The following LCOR variants were observed in gnomAD, a reference collection of about 807,000 sequenced individuals.
LCOR encodes the protein ligand-dependent corepressor.
In LCOR, 14 loss-of-function variants were observed where a neutral mutation model predicts 64.4. The observed-to-expected ratio is 0.22, with a 90% confidence interval of 0.14 to 0.34. The LOEUF is 0.34. Among genes scored for constraint, LCOR ranks in the 10% least tolerant of loss-of-function variants. The pLI is 1.00. For missense variants in LCOR, 1,686 were observed against 1,765.3 expected (o/e 0.96, Z 0.80); for synonymous variants, 643 against 642.5 (o/e 1.00, Z -0.01).
rs193147896 is a variant in LCOR at position 96,858,712 on chromosome 10, G to A, written c.-330+25233G>A. On this transcript the variant is annotated intron_variant, in intron 2 of 7. Transcript: ENST00000421806. The stretch of plus-strand genomic sequence containing the variant: ...AACTTTATGAATGTTTGGATACTTA[G>A]GGTTTTTTGTTTTTTTAAAATAACT... Among the ~76,000 whole-genome samples, 5 of 152,194 alleles carry A rather than the reference G, an allele frequency of 3.3e-5. No individual in the cohort carries two copies. In the East Asian group the frequency reaches 7.7e-4, roughly 23 times the overall value.
chr10:96,891,234 G>A (rs934555666), intron 2 of LCOR, among the ~76,000 whole-genome samples: 21 of 151,856 alleles, frequency 1.4e-4, no homozygotes, highest in Admixed American at 1.3e-3. Flanking sequence ...AGTTGAGTCA[G>A]TTTTGGTAGT....
At chr10:96,837,424 T>G (rs1485069057) in intron 2 of LCOR, among the ~76,000 whole-genome samples, 1 of 151,936 alleles carries the variant, frequency 6.6e-6, no homozygotes, top group African/African-American at 2.4e-5. Context: ...CCCAGCTAAT[T>G]TTTTTGTATT....
chr10:96,949,978 A>G (rs1362362810), intron 6 of LCOR, among the ~76,000 whole-genome samples: 3 of 152,174 alleles, frequency 2.0e-5, no homozygotes, highest in Admixed American at 2.0e-4. Flanking sequence ...GAGTCTCTGA[A>G]GTTTATTTTC....
chr10:96,969,092 C>T (rs57625543), intron 7 of LCOR, among the ~76,000 whole-genome samples: 6,624 of 152,254 alleles, frequency 0.044, 220 homozygotes, highest in East Asian at 0.18. Context: ...AAATACTTAG[C>T]ACTGTGGCAG....
intron 7 of LCOR, chr10:96,963,737 C>T (rs920871394): frequency 3.9e-5 from 6 of 152,100 alleles, no homozygotes; most frequent in Non-Finnish European, 7.4e-5. Flanking sequence ...TTAAGACTTG[C>T]CTCTTTAAAA....
At chr10:96,980,202 C>T (rs1319341767) in intron 7 of LCOR, among the ~76,000 whole-genome samples, 1 of 151,882 alleles carries the variant, frequency 6.6e-6, no homozygotes, top group African/African-American at 2.4e-5. Context: ...TACTTCTAAA[C>T]CCAAGATTTG....
intron 7 of LCOR, chr10:96,955,568 T>C: frequency 6.2e-7 from 1 of 1,614,182 alleles, no homozygotes; most frequent in Non-Finnish European, 8.5e-7. Flanking sequence ...GCTCAGATGC[T>C]GAGCAGTCTA....
At chr10:96,850,300 C>T (rs576522964) in intron 2 of LCOR, among the ~76,000 whole-genome samples, 9 of 152,056 alleles carry the variant, frequency 5.9e-5, no homozygotes, top group African/African-American at 1.7e-4. Flanking sequence ...CTGTAATCTT[C>T]GCACTTTGGG....
chr10:96,898,063 C>T (rs1846572378), intron 2 of LCOR, among the ~76,000 whole-genome samples: 2 of 151,962 alleles, frequency 1.3e-5, no homozygotes, highest in African/African-American at 2.4e-5. Context: ...TGAGCACTTA[C>T]TTGAGGATGG....
Position 96,983,170 on chromosome 10 carries a change from G to A in LCOR, c.2710G>A (p.Gly904Arg), listed in dbSNP as rs568325585. 105 of 1,613,952 alleles carry A rather than the reference G, an allele frequency of 6.5e-5. No homozygotes were observed. Among genetic ancestry groups the A allele is most frequent in the South Asian group, 5.1e-4 (46 of 91,084 alleles). The change falls in exon 8 of 8, where the codon GGG becomes AGG. Residue 904 changes from glycine (G) to arginine (R), a missense_variant. Gly to Arg is a moderately radical substitution (Grantham distance 125). Around this residue, in one of 3 missense-constraint regions of LCOR, gnomAD observed 1,293 missense variants for 1,410.4 expected, o/e 0.92. Coordinates refer to ENST00000421806, the MANE Select transcript of LCOR (RefSeq NM_001346516.2). The surrounding 1 kb of genome is among the most constrained non-coding windows in gnomAD (Gnocchi z 4.5). ...AGATGCTGAGCAGGAGGGCGAAGGC[G>A]GGGGGATCATCACCAGGCAGACTTT... ...EKDAEQEGEG[G>R]GIITRQTLKN...
intron 2 of LCOR, among the ~76,000 whole-genome samples, chr10:96,897,968 C>G (rs1846570076): frequency 6.6e-6 from 1 of 151,000 alleles, no homozygotes; most frequent in South Asian, 2.1e-4. Flanking sequence ...AAACAGAGTC[C>G]TTGTAAAATC....
intron 2 of LCOR, among the ~76,000 whole-genome samples, chr10:96,873,571 CGTGTGTGTGTGTGTGTGTGTGTGT>C (rs55893181): frequency 1.6e-5 from 2 of 126,340 alleles, no homozygotes; most frequent in Non-Finnish European, 3.3e-5. Context: ...CACACACACA[CGTGTGTGTGTGTGTGTGTGTGTGT>C]GTGTGTGTGT....
chr10:96,956,550 T>C (rs1847786978), intron 7 of LCOR: 1 of 985,496 alleles, frequency 1.0e-6, no homozygotes, highest in African/African-American at 1.7e-5. Flanking sequence ...TTTATTTAAA[T>C]TAGCAAGCTA....
At chr10:96,857,663 C>T (rs1845827887) in intron 2 of LCOR, among the ~76,000 whole-genome samples, 1 of 152,106 alleles carries the variant, frequency 6.6e-6, no homozygotes, top group Non-Finnish European at 1.5e-5. Context: ...AAAAATACTG[C>T]CTAAAGCATT....
chr10:96,847,431 T>TTTAC (rs569919648), intron 2 of LCOR, among the ~76,000 whole-genome samples: 101 of 149,832 alleles, frequency 6.7e-4, no homozygotes, highest in African/African-American at 2.1e-3. Flanking sequence ...TATTTATTTA[T>TTTAC]TTACTTACTT....
intron 2 of LCOR, among the ~76,000 whole-genome samples, chr10:96,869,430 G>T (rs1010719881): frequency 4.6e-5 from 7 of 152,026 alleles, no homozygotes; most frequent in African/African-American, 1.7e-4. Context: ...AACCAGGCTG[G>T]TCTCAAAATC....
At chr10:96,878,470 A>T (rs1846207665) in intron 2 of LCOR, among the ~76,000 whole-genome samples, 1 of 152,190 alleles carries the variant, frequency 6.6e-6, no homozygotes, top group African/African-American at 2.4e-5. Context: ...AAGAGAGAAA[A>T]GGAGGATTAA....
At chr10:96,936,967 C>G (rs1341815755) in intron 4 of LCOR, among the ~76,000 whole-genome samples, 1 of 152,180 alleles carries the variant, frequency 6.6e-6, no homozygotes, top group Admixed American at 6.5e-5. Flanking sequence ...AATATTCTCT[C>G]TCTTTTCTCA....
At chr10:96,896,332 G>A (rs1846536332) in intron 2 of LCOR, among the ~76,000 whole-genome samples, 1 of 152,132 alleles carries the variant, frequency 6.6e-6, no homozygotes, top group East Asian at 1.9e-4. Context: ...TGCTTGTGAG[G>A]AATGGGGGAA....
Sources: allele counts gnomAD v4.1 joint callset (sites outside exome capture counted in the v4.1 genomes callset), GRCh38; gene constraint gnomAD v4.1.1; regional missense constraint gnomAD v4.1.1; non-coding constraint Gnocchi (gnomAD v3.1); transcripts MANE v1.5; gene names NCBI Gene and HGNC (gene_info 2026-07-23, HGNC 2026-07-21).